PHF6: variants seen among roughly 807,000 people sequenced by gnomAD.
The protein encoded by PHF6 is PHD finger protein 6.
Under a neutral mutation model 34.0 loss-of-function variants are expected in PHF6, and 7 were observed. That is an observed-to-expected ratio of 0.21 (90% CI 0.12 to 0.39). PHF6 has a LOEUF of 0.39. Ranked by LOEUF, PHF6 falls within the 10% of genes least tolerant of loss-of-function variation. The pLI, the probability that PHF6 is intolerant of heterozygous loss-of-function variation, is 1.00. For synonymous variants in PHF6, 89 were observed against 88.4 expected (o/e 1.01, Z -0.04); for missense variants, 128 against 262.8 (o/e 0.49, Z 3.55).
chrX:134,395,914 T>C (rs1380864213), intron 5 of PHF6, among the ~76,000 whole-genome samples: 1 of 112,287 alleles, frequency 8.9e-6, no homozygotes, highest in East Asian at 2.8e-4. Flanking sequence ...GCTTTTCTTC[T>C]GTTTTCTCCT....
chrX:134,400,789 G>A (rs772519782), intron 5 of PHF6, among the ~76,000 whole-genome samples: 11 of 111,821 alleles, frequency 9.8e-5, no homozygotes, highest in Admixed American at 1.9e-4. Context: ...GTCAAGTGAT[G>A]TGACTTTTCC....
At chrX:134,406,101 T>TCTTTCTTC (rs2077423175) in intron 5 of PHF6, among the ~76,000 whole-genome samples, 2 of 103,580 alleles carry the variant, frequency 1.9e-5, no homozygotes, top group Non-Finnish European at 3.9e-5. Context: ...TTTCTTTCTT[T>TCTTTCTTC]CTTTCTTTCT....
At chrX:134,388,158 AT>A (rs1158976620) in intron 3 of PHF6, among the ~76,000 whole-genome samples, 1 of 111,906 alleles carries the variant, frequency 8.9e-6, no homozygotes, top group African/African-American at 3.2e-5. Context: ...TTGTCTAGTT[AT>A]TTGGATATGT....
chrX:134,425,070 G>C (rs1224458742), intron 9 of PHF6, 131 bp from the exon 10 acceptor site: 1 of 735,117 alleles, frequency 1.4e-6, no homozygotes, highest in African/African-American at 2.1e-5. Flanking sequence ...AACTAATTGG[G>C]GAGTATTTTT....
chrX:134,406,098 CTTTCTTTCTTTCT>C (rs1198520854), intron 5 of PHF6, among the ~76,000 whole-genome samples: 2 of 96,978 alleles, frequency 2.1e-5, no homozygotes, highest in African/African-American at 7.5e-5. Context: ...TTCTTTCTTT[CTTTCTTTCTTTCT>C]TTTTTTTTTT....
At chrX:134,378,408 G>A (rs1456935666) in intron 3 of PHF6, among the ~76,000 whole-genome samples, 1 of 111,582 alleles carries the variant, frequency 9.0e-6, no homozygotes, top group African/African-American at 3.3e-5. Flanking sequence ...AGTATATATT[G>A]TGTTAAAGTC....
intron 9 of PHF6, chrX:134,417,771 A>G (rs759474308): frequency 2.9e-4 from 34 of 117,112 alleles, no homozygotes; most frequent in Middle Eastern, 4.3e-3. Context: ...AGGCAGGAGA[A>G]TCGCTTGAAC....
At position 134,401,968 on chromosome X, in the gene PHF6, G is replaced by A. The variant is rs774229100; in HGVS notation, c.418+8016G>A. ...TACCTGCTTTAATATTCACTTATTG[G>A]TTGTTTTTTGTTTGTTTGTTTGTTT... On this transcript the variant is annotated intron_variant, in intron 5 of 10. Coordinates refer to ENST00000370803, the MANE Select transcript of PHF6 (RefSeq NM_001015877.2). 2.7e-3 allele frequency among the ~76,000 whole-genome samples: 266 copies of A among 97,732 alleles called. 1 individual carries two copies. Among genetic ancestry groups the A allele is most frequent in the African/African-American group, 1.0e-2 (250 of 25,084 alleles). 84.9% of individuals were successfully genotyped at this position (97,732 alleles called of 115,157 possible). A position where few individuals can be genotyped will look rare whatever the true frequency, so the allele number is the denominator to read the frequency against.
chrX:134,384,143 A>G (rs1359965018), intron 3 of PHF6, among the ~76,000 whole-genome samples: 1 of 111,837 alleles, frequency 8.9e-6, no homozygotes, highest in Non-Finnish European at 1.9e-5. Context: ...TTTTAAAGAA[A>G]CAGGGTGTCT....
chrX:134,393,662 T>G (rs1240029841), intron 4 of PHF6, 28 bp downstream of exon 4: 1 of 1,159,137 alleles, frequency 8.6e-7, no homozygotes, highest in African/African-American at 1.8e-5. Flanking sequence ...CTTTAAGTTT[T>G]TTTTTTAACA....
At chrX:134,383,074 C>T (rs1346959617) in intron 3 of PHF6, among the ~76,000 whole-genome samples, 1 of 109,698 alleles carries the variant, frequency 9.1e-6, no homozygotes, top group Non-Finnish European at 1.9e-5. Flanking sequence ...AGACCCCTAT[C>T]TCTACAAAAA....
chrX:134,401,816 C>G (rs1414509457), intron 5 of PHF6, among the ~76,000 whole-genome samples: 5 of 111,740 alleles, frequency 4.5e-5, no homozygotes, highest in African/African-American at 9.7e-5. Flanking sequence ...ATGAACAGTT[C>G]TGAAACTTTA....
At chrX:134,376,817 A>C (rs192930553) in intron 1 of PHF6, among the ~76,000 whole-genome samples, 10 of 112,163 alleles carry the variant, frequency 8.9e-5, no homozygotes, top group African/African-American at 1.6e-4. Flanking sequence ...TGAAAATGGA[A>C]TAGAATAGCA....
Position 134,394,543 on chromosome X carries a change from G to GT in PHF6, c.418+604dup, listed in dbSNP as rs1339561125. 5.6e-3 allele frequency among the ~76,000 whole-genome samples: 560 copies of GT among 99,240 alleles called. 4 individuals are homozygous for GT. Among genetic ancestry groups the GT allele is most frequent in the East Asian group, 0.016 (50 of 3,153 alleles). 86.2% of individuals were successfully genotyped at this position (99,240 alleles called of 115,157 possible). A position where few individuals can be genotyped will look rare whatever the true frequency, so the allele number is the denominator to read the frequency against. On this transcript the variant is annotated intron_variant, in intron 5 of 10. Transcript: ENST00000370803. ...GTGGCTGCGTGTTTCATTTCTTTGT[G>GT]TTTTTTTTTTTTTGTGAGACAGAGT... is the stretch of plus-strand genomic sequence containing the variant.
At chrX:134,391,425 T>G (rs1245512258) in intron 3 of PHF6, among the ~76,000 whole-genome samples, 2 of 111,865 alleles carry the variant, frequency 1.8e-5, no homozygotes, top group Non-Finnish European at 3.8e-5. Flanking sequence ...AGAATACAAA[T>G]TTTTTAAAAA....
rs758250244 is a variant in PHF6 at position 134,408,933 on chromosome X, C to T, written c.419-4558C>T. ...TTTGCCATGTTGGCCAGGCTGGCCT[C>T]GAACTCCTGACTTCAGGTGATCTGC... On this transcript the variant is annotated intron_variant, in intron 5 of 10. Coordinates refer to ENST00000370803, the MANE Select transcript of PHF6 (RefSeq NM_001015877.2). Among the ~76,000 whole-genome samples, 58 of 111,527 alleles carry T rather than the reference C, an allele frequency of 5.2e-4. 1 individual carries two copies. The highest frequency in any genetic ancestry group is 1.8e-3 in the African/African-American group (55 of 30,688).
At chrX:134,381,570 C>T (rs930543188) in intron 3 of PHF6, among the ~76,000 whole-genome samples, 1 of 108,241 alleles carries the variant, frequency 9.2e-6, no homozygotes, top group African/African-American at 3.4e-5. Flanking sequence ...TCTCGGCTCA[C>T]TGCAACCTCC....
chrX:134,411,445 AT>A (rs2077450294), intron 5 of PHF6, among the ~76,000 whole-genome samples: 1 of 110,672 alleles, frequency 9.0e-6, no homozygotes. Flanking sequence ...TTCTTAAGTA[AT>A]TTTTATAGAT....
In PHF6 at chrX:134,426,687, G is replaced by C; in HGVS notation, c.*1027G>C. ...GCTTTTGTGCCCTACTTTTCTTCTT[G>C]TAGGGCTTGGTGGTGTTTTATCGAT... On this transcript the variant is annotated 3_prime_UTR_variant, in exon 11 of 11. Coordinates refer to ENST00000370803, the MANE Select transcript of PHF6 (RefSeq NM_001015877.2). The C allele has an allele frequency of 6.2e-6, 1 of 162,286 alleles. No homozygotes were observed. The highest frequency in any genetic ancestry group is 9.2e-5 in the East Asian group (1 of 10,901). 13.4% of individuals were successfully genotyped at this position (162,286 alleles called of 1,213,427 possible).
Sources: allele counts gnomAD v4.1 joint callset (sites outside exome capture counted in the v4.1 genomes callset), GRCh38; gene constraint gnomAD v4.1.1; transcripts MANE v1.5; gene names NCBI Gene and HGNC (gene_info 2026-07-23, HGNC 2026-07-21).